Variants in FLRT2 observed in about 807,000 individuals in gnomAD.
FLRT2 encodes fibronectin leucine rich transmembrane protein 2.
FLRT2 carries 15 observed loss-of-function variants against 40.0 expected under a neutral mutation model. The observed-to-expected ratio is 0.38, with a 90% CI of 0.25 to 0.58. FLRT2 has a LOEUF of 0.58. Ranked by LOEUF, FLRT2 falls within the 20% of genes least tolerant of loss-of-function variation. FLRT2 has a pLI of 0.71. For missense variants in FLRT2, 726 were observed against 840.0 expected (o/e 0.86, Z 1.68); for synonymous variants, 380 against 336.8 (o/e 1.13, Z -1.41).
At chr14:85,535,611 C>T (rs1290443729) in intron 1 of FLRT2, among the ~76,000 whole-genome samples, 48 of 152,106 alleles carry the variant, frequency 3.2e-4, no homozygotes, top group Admixed American at 3.1e-3. Flanking sequence ...TTCTCCACAG[C>T]GTTATTGCGT....
At chr14:85,583,200 C>G (rs1367788526) in intron 1 of FLRT2, among the ~76,000 whole-genome samples, 1 of 152,168 alleles carries the variant, frequency 6.6e-6, no homozygotes, top group African/African-American at 2.4e-5. Flanking sequence ...GCCAGTGCCT[C>G]TAACAGGAAA....
Position 85,599,791 on chromosome 14 carries a change from G to A in FLRT2, c.-376-21348G>A, listed in dbSNP as rs538789365. 1.8e-3 allele frequency among the ~76,000 whole-genome samples: 276 copies of A among 151,884 alleles called. 3 individuals are homozygous for A. The highest frequency in any genetic ancestry group is 6.6e-3 in the African/African-American group (274 of 41,390). On this transcript the variant is annotated intron_variant, in intron 1 of 1. Transcript: ENST00000330753. The stretch of plus-strand genomic sequence containing the variant: ...CAAATTATACGTGTATTTTACAGGT[G>A]AAGAAACCAGGCCACAGGAAGATTA...
intron 1 of FLRT2, among the ~76,000 whole-genome samples, chr14:85,595,446 G>GGA (rs1892092401): frequency 7.6e-6 from 1 of 132,354 alleles, no homozygotes; most frequent in Non-Finnish European, 1.6e-5. Flanking sequence ...AGTAAGATGT[G>GGA]AAAAAAAAAA....
intron 1 of FLRT2, among the ~76,000 whole-genome samples, chr14:85,610,542 C>G (rs921814833): frequency 6.6e-6 from 1 of 152,172 alleles, no homozygotes; most frequent in Non-Finnish European, 1.5e-5. Context: ...AACTCTTGGC[C>G]CTATTTCTGC....
intron 1 of FLRT2, among the ~76,000 whole-genome samples, chr14:85,540,737 T>C (rs1888938826): frequency 6.6e-6 from 1 of 152,040 alleles, no homozygotes; most frequent in Non-Finnish European, 1.5e-5. Flanking sequence ...TTTTTAAAGT[T>C]GATTAGTACT....
chr14:85,536,637 GTT>G (rs11311753), intron 1 of FLRT2, among the ~76,000 whole-genome samples: 2,207 of 145,726 alleles, frequency 0.015, 51 homozygotes, highest in African/African-American at 0.05. Flanking sequence ...AATACTCATG[GTT>G]TTTTTTTTTT....
rs1184869951 is a variant in FLRT2, at chr14:85,626,498, T to C, written c.*3001T>C. 2 of 167,008 alleles carry C rather than the reference T, an allele frequency of 1.2e-5. No individual in the cohort carries two copies. Among genetic ancestry groups the C allele is most frequent in the African/African-American group, 4.8e-5 (2 of 41,438 alleles). 10.3% of individuals were successfully genotyped at this position (167,008 alleles called of 1,614,324 possible). A position where few individuals can be genotyped will look rare whatever the true frequency, so the allele number is the denominator to read the frequency against. Reference sequence around the variant, plus strand: ...GGTAAATGTCACTGTACAGAAGACATTGAAAAGGAAGAGGCATAGTCATGA... The same window carrying C: ...GGTAAATGTCACTGTACAGAAGACACTGAAAAGGAAGAGGCATAGTCATGA... On this transcript the variant is annotated 3_prime_UTR_variant, in exon 2 of 2. Transcript: ENST00000330753.
At chr14:85,606,812 G>A (rs1267779451) in intron 1 of FLRT2, among the ~76,000 whole-genome samples, 3 of 150,794 alleles carry the variant, frequency 2.0e-5, no homozygotes, top group Non-Finnish European at 4.4e-5. Context: ...TTGAGCCACC[G>A]CACCCGGCCG....
At chr14:85,559,255 G>T (rs1345784858) in intron 1 of FLRT2, 1 of 152,258 alleles carries the variant, frequency 6.6e-6, no homozygotes, top group Non-Finnish European at 1.5e-5. Context: ...TATGATGGGG[G>T]AGGCTGTGTA....
chr14:85,593,409 A>G (rs1891990306), intron 1 of FLRT2, among the ~76,000 whole-genome samples: 1 of 152,198 alleles, frequency 6.6e-6, no homozygotes, highest in Non-Finnish European at 1.5e-5. Flanking sequence ...CTGCAGGGCC[A>G]GTAAGGTTAA....
At chr14:85,557,903 T>A (rs928281728) in intron 1 of FLRT2, among the ~76,000 whole-genome samples, 1 of 152,118 alleles carries the variant, frequency 6.6e-6, no homozygotes, top group South Asian at 2.1e-4. Flanking sequence ...ATGTCGCTAG[T>A]TCATGGTAGA....
chr14:85,631,443 A>T lies in FLRT2; in HGVS notation c.*7946A>T, dbSNP rs1329848070. ...CCTGGAAACAGAAAACATATTCTGT[A>T]AATTGTTGTACCTCATCCAGTGTTA... On this transcript the variant is annotated 3_prime_UTR_variant, in exon 2 of 2. Coordinates refer to ENST00000330753, the MANE Select transcript of FLRT2 (RefSeq NM_013231.6). The T allele has an allele frequency of 6.6e-6, 1 of 152,142 alleles. No homozygotes were observed. Among genetic ancestry groups the T allele is most frequent in the Non-Finnish European group, 1.5e-5 (1 of 68,042 alleles). The allele number at this position is 152,142 out of a possible 1,614,324, so 9.4% of individuals were successfully genotyped here. A position where few individuals can be genotyped will look rare whatever the true frequency, so the allele number is the denominator to read the frequency against.
chr14:85,569,624 G>A (rs1339423386), intron 1 of FLRT2, among the ~76,000 whole-genome samples: 1 of 152,226 alleles, frequency 6.6e-6, no homozygotes, highest in Non-Finnish European at 1.5e-5. Context: ...AGTGAGGAAT[G>A]CGCTGTAAGA....
At position 85,635,717 on chromosome 14, in the gene FLRT2, A is replaced by T. The variant is rs935857605; in HGVS notation, c.*12220A>T. 2 of 151,832 alleles carry T rather than the reference A, an allele frequency of 1.3e-5. No individual in the cohort carries two copies. The highest frequency in any genetic ancestry group is 4.8e-5 in the African/African-American group (2 of 41,390). The allele number at this position is 151,832 out of a possible 1,614,324, so 9.4% of individuals were successfully genotyped here. The stretch of plus-strand genomic sequence containing the variant: ...TTGAACAAACATACAATTATGGTTT[A>T]AAAAAAAGAAAGATGAAAACTTTTT... On this transcript the variant is annotated 3_prime_UTR_variant, in exon 2 of 2. Transcript: ENST00000330753.
intron 1 of FLRT2, among the ~76,000 whole-genome samples, chr14:85,569,996 A>G (rs919942846): frequency 6.6e-6 from 1 of 152,230 alleles, no homozygotes; most frequent in African/African-American, 2.4e-5. Context: ...CCAAATGGGC[A>G]TATCGTCTTT....
chr14:85,558,921 T>C (rs1428184119), intron 1 of FLRT2, among the ~76,000 whole-genome samples: 1 of 152,244 alleles, frequency 6.6e-6, no homozygotes, highest in African/African-American at 2.4e-5. Context: ...TTGCATAGTT[T>C]TCTCTGGATT....
intron 1 of FLRT2, among the ~76,000 whole-genome samples, chr14:85,586,453 C>T (rs969257576): frequency 2.0e-5 from 3 of 152,042 alleles, no homozygotes; most frequent in East Asian, 1.9e-4. Flanking sequence ...ATTTGCTGTA[C>T]AACATTGTGC....
chr14:85,602,997 AATGAAG>A (rs1243550538), intron 1 of FLRT2, among the ~76,000 whole-genome samples: 1 of 152,174 alleles, frequency 6.6e-6, no homozygotes, highest in Non-Finnish European at 1.5e-5. Flanking sequence ...GAAAAGTATA[AATGAAG>A]TTTATCTTAA....
At chr14:85,615,890 A>G (rs758754883) in intron 1 of FLRT2, among the ~76,000 whole-genome samples, 2 of 152,142 alleles carry the variant, frequency 1.3e-5, no homozygotes, top group Non-Finnish European at 2.9e-5. Context: ...CTGTACTATG[A>G]TTTTTATAGT....
Sources: allele counts gnomAD v4.1 joint callset (sites outside exome capture counted in the v4.1 genomes callset), GRCh38; gene constraint gnomAD v4.1.1; transcripts MANE v1.5; gene names NCBI Gene and HGNC (gene_info 2026-07-23, HGNC 2026-07-21).